RALGAPA1: variants seen among roughly 807,000 people sequenced by gnomAD.
The protein encoded by RALGAPA1 is ral GTPase-activating protein subunit alpha-1.
A neutral mutation model predicts 269.6 loss-of-function variants in RALGAPA1; 52 were observed. The observed-to-expected ratio is 0.19, with a 90% CI of 0.15 to 0.24. The LOEUF is 0.24. RALGAPA1 is among the 10% of genes least tolerant of loss of function. The probability of loss-of-function intolerance (pLI) is 1.00; values close to 1 mark genes in which losing one functional copy is unlikely to be tolerated. For synonymous variants in RALGAPA1, 817 were observed against 1,008.3 expected, an observed-to-expected ratio of 0.81 and a Z score of 3.60; for missense variants, 1,917 against 3,013.9, an observed-to-expected ratio of 0.64 and a Z score of 8.52.
chr14:35,721,913 C>A, intron 15 of RALGAPA1, 64 bp from the exon 16 acceptor site: 1 of 1,372,780 alleles, frequency 7.3e-7, no homozygotes, highest in Non-Finnish European at 1.0e-6. Flanking sequence ...TCAAGTTATG[C>A]GTGCTACCTT....
At chr14:35,696,475 T>C (rs1009146914) in intron 17 of RALGAPA1, among the ~76,000 whole-genome samples, 1 of 151,990 alleles carries the variant, frequency 6.6e-6, no homozygotes, top group Non-Finnish European at 1.5e-5. Context: ...CTATATCATA[T>C]AGCATCATAC....
chr14:35,595,538 C>T, intron 37 of RALGAPA1, 96 bp downstream of exon 37: 1 of 1,115,842 alleles, frequency 9.0e-7, no homozygotes, highest in Non-Finnish European at 1.3e-6. Context: ...CAACCAGAAA[C>T]AGTGCTTGAT....
chr14:35,802,663 GTTT>G (rs200361815), intron 1 of RALGAPA1, among the ~76,000 whole-genome samples: 3 of 134,528 alleles, frequency 2.2e-5, no homozygotes, highest in African/African-American at 8.3e-5. Flanking sequence ...GTGGTGGTGG[GTTT>G]TTTTTTTTTT....
intron 33 of RALGAPA1, among the ~76,000 whole-genome samples, 197 bp downstream of exon 33, chr14:35,634,377 A>T (rs911856456): frequency 6.6e-6 from 1 of 152,244 alleles, no homozygotes; most frequent in African/African-American, 2.4e-5. Context: ...GCATAAAAGC[A>T]ATGTCAACAT....
intron 27 of RALGAPA1, 98 bp downstream of exon 27, chr14:35,664,544 T>C: frequency 1.0e-6 from 1 of 964,102 alleles, no homozygotes; most frequent in South Asian, 1.9e-5. Flanking sequence ...AACAATTGTG[T>C]GGATTTCAAA....
At chr14:35,724,812 T>C (rs1458429384) in intron 14 of RALGAPA1, among the ~76,000 whole-genome samples, 1 of 152,204 alleles carries the variant, frequency 6.6e-6, no homozygotes, top group African/African-American at 2.4e-5. Flanking sequence ...TACTAGGTTT[T>C]ATGTATGGCA....
chr14:35,799,075 A>G (rs1042768447), intron 1 of RALGAPA1, among the ~76,000 whole-genome samples: 5 of 152,166 alleles, frequency 3.3e-5, no homozygotes, highest in African/African-American at 1.2e-4. Flanking sequence ...TTATTACTTA[A>G]AAATCTTTAA....
At chr14:35,748,846 A>T in intron 9 of RALGAPA1, 22 bp from the exon 10 acceptor site, 1 of 1,559,430 alleles carries the variant, frequency 6.4e-7, no homozygotes, top group Non-Finnish European at 8.6e-7. Flanking sequence ...AAAAAAAAAA[A>T]AAAGAGAGAA....
intron 33 of RALGAPA1, among the ~76,000 whole-genome samples, chr14:35,633,823 T>G (rs1166097142): frequency 6.6e-6 from 1 of 152,182 alleles, no homozygotes; most frequent in African/African-American, 2.4e-5. Flanking sequence ...TCCTATTACA[T>G]TATAAGGTTA....
chr14:35,608,927 G>A (rs1237913858), intron 35 of RALGAPA1, among the ~76,000 whole-genome samples: 1 of 152,138 alleles, frequency 6.6e-6, no homozygotes, highest in African/African-American at 2.4e-5. Context: ...TTACAGGATA[G>A]ACCATAAAAC....
At chr14:35,724,278 A>G (rs1037260654) in intron 14 of RALGAPA1, among the ~76,000 whole-genome samples, 6 of 152,182 alleles carry the variant, frequency 3.9e-5, no homozygotes, top group Non-Finnish European at 8.8e-5. Flanking sequence ...ACACCAGCAT[A>G]TAATTTTAGG....
In RALGAPA1 at chr14:35,668,527, C is replaced by T. The variant is rs558131829; in HGVS notation, c.5202+2862G>A. On this transcript the variant is annotated intron_variant, in intron 26 of 41. Transcript: ENST00000680220. ...ATTAAAAAATGATAGCTCAGGTGCT[C>T]ATGACTGTAATCCCAGCACCTTACA... Among the ~76,000 whole-genome samples, 18 of 151,846 alleles carry T rather than the reference C, an allele frequency of 1.2e-4. No homozygotes were observed. In the South Asian group the frequency reaches 3.8e-3, roughly 32 times the overall value.
chr14:35,679,681 T>C (rs138326297), intron 21 of RALGAPA1, among the ~76,000 whole-genome samples: 2,367 of 152,112 alleles, frequency 0.016, 49 homozygotes, highest in African/African-American at 0.052. Flanking sequence ...TTGTTAATTA[T>C]AGTAAGTCAA....
chr14:35,620,172 C>T (rs963345536), intron 35 of RALGAPA1, among the ~76,000 whole-genome samples: 3 of 152,132 alleles, frequency 2.0e-5, no homozygotes, highest in Admixed American at 6.6e-5. Context: ...ACGATCAAGT[C>T]GGCTTCATCC....
At chr14:35,684,222 A>T (rs17836200) in intron 20 of RALGAPA1, among the ~76,000 whole-genome samples, 255 of 152,360 alleles carry the variant, frequency 1.7e-3, no homozygotes, top group Non-Finnish European at 3.2e-3. Context: ...CCAGCTCTTC[A>T]CAAACTTAGT....
At chr14:35,562,564 G>C (rs911409663) in intron 39 of RALGAPA1, among the ~76,000 whole-genome samples, 4 of 152,088 alleles carry the variant, frequency 2.6e-5, no homozygotes, top group Admixed American at 6.5e-5. Flanking sequence ...AAAAACCCTT[G>C]TATGTGTGCT....
chr14:35,738,473 T>C (rs755798548), intron 12 of RALGAPA1, 40 bp downstream of exon 12: 2 of 1,458,488 alleles, frequency 1.4e-6, no homozygotes, highest in Non-Finnish European at 1.8e-6. Flanking sequence ...AAATATTTAA[T>C]GATTATTTTA....
chr14:35,765,006 A>G (rs1328178388), intron 4 of RALGAPA1, among the ~76,000 whole-genome samples: 1 of 152,244 alleles, frequency 6.6e-6, no homozygotes, highest in African/African-American at 2.4e-5. Flanking sequence ...GAAACCTATC[A>G]GAAAATTATT....
chr14:35,786,938 T>A (rs569731877), intron 1 of RALGAPA1, among the ~76,000 whole-genome samples: 1 of 152,178 alleles, frequency 6.6e-6, no homozygotes, highest in Non-Finnish European at 1.5e-5. Flanking sequence ...AACCCAATCA[T>A]CATGCTTATG....
Sources: gnomAD v4.1 joint callset for allele counts (sites outside exome capture counted in the v4.1 genomes callset) on GRCh38, gnomAD v4.1.1 for gene constraint, MANE v1.5 for transcripts, NCBI Gene and HGNC (gene_info 2026-07-23, HGNC 2026-07-21) for gene names.